The following KDM6A variants were observed in gnomAD, a reference collection of about 807,000 sequenced individuals.
KDM6A encodes lysine-specific demethylase 6A.
KDM6A carries 11 observed loss-of-function variants against 117.6 expected under a neutral mutation model. The observed-to-expected ratio is 0.09, with a 90% CI of 0.06 to 0.15. The LOEUF is 0.15. Ranked by LOEUF, KDM6A falls within the 10% of genes least tolerant of loss-of-function variation. The probability of loss-of-function intolerance (pLI) is 1.00; values close to 1 mark genes in which losing one functional copy is unlikely to be tolerated. For missense variants in KDM6A, 799 were observed against 1,077.3 expected (o/e 0.74, Z 3.62); for synonymous variants, 384 against 396.1 (o/e 0.97, Z 0.36).
At chrX:44,930,891 T>C (rs2036582147) in intron 2 of KDM6A, among the ~76,000 whole-genome samples, 1 of 111,477 alleles carries the variant, frequency 9.0e-6, no homozygotes, top group South Asian at 3.7e-4. Flanking sequence ...CTGAATAATA[T>C]ATGCCACCTT....
chrX:44,982,651 A>T (rs1474772415), intron 4 of KDM6A, among the ~76,000 whole-genome samples: 1 of 111,890 alleles, frequency 8.9e-6, no homozygotes. Flanking sequence ...GTTCTAAATA[A>T]TACTGTTTTA....
In KDM6A at chrX:45,061,388, A is replaced by G. The variant is rs756090175; in HGVS notation, c.1550A>G (p.His517Arg). ...VSHPPVQQQAHSWCLTPQKLQ... is the reference protein window; with the variant it reads ...VSHPPVQQQARSWCLTPQKLQ... The stretch of plus-strand genomic sequence containing the variant: ...CATCCTCCAGTACAGCAACAAGCTC[A>G]TTCATGGTGTTTGACACCACAGAAA... Residue 517 changes from histidine to arginine, a missense_variant, in exon 15 of 30, where the codon CAT (histidine) becomes CGT (arginine). Around this residue, in one of 8 missense-constraint regions of KDM6A, gnomAD observed 301 missense variants for 318.3 expected, o/e 0.95. Coordinates refer to ENST00000611820, the MANE Select transcript of KDM6A (RefSeq NM_001291415.2). 1 of 1,168,964 alleles carries G rather than the reference A, an allele frequency of 8.6e-7. No individual in the cohort carries two copies. The highest frequency in any genetic ancestry group is 3.0e-5 in the East Asian group (1 of 33,274).
intron 4 of KDM6A, among the ~76,000 whole-genome samples, chrX:45,003,907 TCTTCCACCCCCG>T (rs1417917872): frequency 4.8e-5 from 1 of 20,874 alleles, no homozygotes; most frequent in East Asian, 1.8e-3. Context: ...TTCCACCCCC[TCTTCCACCCCCG>T]CTTCTCTCTC....
In KDM6A at chrX:45,061,250, C is replaced by T. The variant is rs2044273331; in HGVS notation, c.1486-74C>T. On this transcript the variant is annotated intron_variant, in intron 14 of 29. Coordinates refer to ENST00000611820, the MANE Select transcript of KDM6A (RefSeq NM_001291415.2). ...ATTCCAATTCATAGTCATTTGGCCT[C>T]CTCTAACCATTATTATTAACTGTGG... 1.4e-5 allele frequency: 8 copies of T among 571,776 alleles called. No individual in the cohort carries two copies. The South Asian group carries it at 1.8e-4, about 13-fold the overall frequency. 47.1% of individuals were successfully genotyped at this position (571,776 alleles called of 1,213,427 possible). A position where few individuals can be genotyped will look rare whatever the true frequency, so the allele number is the denominator to read the frequency against.
At chrX:45,015,107 T>C (rs1422971499) in intron 5 of KDM6A, among the ~76,000 whole-genome samples, 1 of 110,220 alleles carries the variant, frequency 9.1e-6, no homozygotes, top group Non-Finnish European at 1.9e-5. Flanking sequence ...TTCTTTTCTT[T>C]TCTTTTTTTT....
At chrX:44,909,350 C>T (rs2034935372) in intron 2 of KDM6A, among the ~76,000 whole-genome samples, 1 of 111,258 alleles carries the variant, frequency 9.0e-6, no homozygotes. Flanking sequence ...ATCCCTTTTG[C>T]TGTTGATGTC....
At chrX:45,073,133 C>T (rs1001013974) in intron 18 of KDM6A, among the ~76,000 whole-genome samples, 2 of 110,388 alleles carry the variant, frequency 1.8e-5, no homozygotes, top group East Asian at 2.8e-4. Flanking sequence ...TTTGGTTTTC[C>T]GTCCTTGTGA....
In KDM6A at chrX:45,095,481, C is replaced by G. The variant is rs143732111; in HGVS notation, c.4034+4617C>G. The stretch of plus-strand genomic sequence containing the variant: ...AAAAAGAAATACGTGAGCTATATAA[C>G]AGGAGAGCATGGAGACTGTATTGTT... On this transcript the variant is annotated intron_variant, in intron 27 of 29. Coordinates refer to ENST00000611820, the MANE Select transcript of KDM6A (RefSeq NM_001291415.2). Among the ~76,000 whole-genome samples the G allele has an allele frequency of 7.2e-5, 8 of 111,465 alleles. No individual in the cohort carries two copies. In the East Asian group the frequency reaches 2.2e-3, roughly 31 times the overall value.
At chrX:44,924,129 T>A (rs1271320017) in intron 2 of KDM6A, among the ~76,000 whole-genome samples, 1 of 112,539 alleles carries the variant, frequency 8.9e-6, no homozygotes, top group Non-Finnish European at 1.9e-5. Context: ...TGTTTTTCTT[T>A]ATTTTCTTGA....
intron 2 of KDM6A, among the ~76,000 whole-genome samples, chrX:44,902,896 G>A (rs770247900): frequency 5.4e-5 from 6 of 111,765 alleles, no homozygotes; most frequent in Non-Finnish European, 1.1e-4. Flanking sequence ...GTGACAAAAA[G>A]CAGTAGGGCA....
intron 4 of KDM6A, among the ~76,000 whole-genome samples, chrX:44,992,198 G>GTCT (rs1569508920): frequency 3.9e-4 from 30 of 76,277 alleles, no homozygotes; most frequent in East Asian, 1.4e-3. Context: ...TAGCAATACT[G>GTCT]TCTTCTTCTT....
chrX:45,021,275 A>G (rs2042160367), intron 6 of KDM6A, among the ~76,000 whole-genome samples: 1 of 111,978 alleles, frequency 8.9e-6, no homozygotes, highest in Non-Finnish European at 1.9e-5. Flanking sequence ...TATCCATGGA[A>G]ATGTGATATT....
At chrX:44,975,773 A>G (rs2039586253) in intron 4 of KDM6A, among the ~76,000 whole-genome samples, 1 of 112,038 alleles carries the variant, frequency 8.9e-6, no homozygotes, top group Non-Finnish European at 1.9e-5. Context: ...CTGGAGAATC[A>G]CTGATCCACC....
chrX:44,955,360 G>T (rs1429180116), intron 2 of KDM6A, among the ~76,000 whole-genome samples: 1 of 111,025 alleles, frequency 9.0e-6, no homozygotes, highest in African/African-American at 3.3e-5. Flanking sequence ...AAAGGAGACA[G>T]GAACCAGTTT....
At chrX:44,993,515 C>T (rs887806977) in intron 4 of KDM6A, among the ~76,000 whole-genome samples, 4 of 110,920 alleles carry the variant, frequency 3.6e-5, no homozygotes, top group Non-Finnish European at 7.5e-5. Flanking sequence ...CAGCTTCTTA[C>T]TGAATTTTCA....
chrX:44,955,829 A>G lies in KDM6A; in HGVS notation c.226-5455A>G, dbSNP rs189537620. 1.5e-3 allele frequency among the ~76,000 whole-genome samples: 166 copies of G among 111,396 alleles called. 1 individual carries two copies. The highest frequency in any genetic ancestry group is 8.9e-4 in the Non-Finnish European group (47 of 53,053). ...TTAATTTTATCTTATTTTTTATTGTATAAATTTTACAGGGTTGTACTTAGA... is the reference window on the plus strand; with the variant it reads ...TTAATTTTATCTTATTTTTTATTGTGTAAATTTTACAGGGTTGTACTTAGA... On this transcript the variant is annotated intron_variant, in intron 2 of 29. Transcript: ENST00000611820.
intron 2 of KDM6A, among the ~76,000 whole-genome samples, chrX:44,909,436 C>G (rs2034939692): frequency 9.0e-6 from 1 of 111,294 alleles, no homozygotes; most frequent in African/African-American, 3.3e-5. Flanking sequence ...ACTTTAATAA[C>G]TTTCATTTAA....
At chrX:44,897,141 T>C (rs1194445787) in intron 2 of KDM6A, among the ~76,000 whole-genome samples, 1 of 107,593 alleles carries the variant, frequency 9.3e-6, no homozygotes, top group African/African-American at 3.4e-5. Context: ...CTTTGTTCTT[T>C]TTTTTTTTTT....
chrX:44,965,113 T>C (rs901842795), intron 3 of KDM6A, among the ~76,000 whole-genome samples: 4 of 112,349 alleles, frequency 3.6e-5, no homozygotes, highest in African/African-American at 9.7e-5. Context: ...CTTTACACTT[T>C]TCTTCTGCAG....
Sources: gnomAD v4.1 joint callset for allele counts (sites outside exome capture counted in the v4.1 genomes callset) on GRCh38, gnomAD v4.1.1 for gene constraint, gnomAD v4.1.1 regional missense constraint, MANE v1.5 for transcripts, NCBI Gene and HGNC (gene_info 2026-07-23, HGNC 2026-07-21) for gene names.